Variants in SLC9C1 observed in about 807,000 individuals in gnomAD.
The protein encoded by SLC9C1 is sodium/hydrogen exchanger 10.
SLC9C1 carries 97 observed loss-of-function variants against 140.9 expected under a neutral mutation model. That is an observed-to-expected ratio of 0.69 (90% CI 0.58 to 0.82). The LOEUF (loss-of-function observed/expected upper bound fraction) is 0.82, where lower values mean the gene tolerates loss of function less well. SLC9C1 is among the 40% of genes least tolerant of loss of function. The probability of loss-of-function intolerance (pLI) is 0.00; values close to 1 mark genes in which losing one functional copy is unlikely to be tolerated. For synonymous variants in SLC9C1, 440 were observed against 442.6 expected (o/e 0.99, Z 0.07); for missense variants, 1,340 against 1,389.3 (o/e 0.96, Z 0.56).
chr3:112,197,942 G>A (rs559691502), intron 20 of SLC9C1, among the ~76,000 whole-genome samples: 15 of 152,162 alleles, frequency 9.9e-5, no homozygotes, highest in Admixed American at 3.3e-4. Context: ...ACCTGCTTTT[G>A]TAAACAGTAT....
intron 10 of SLC9C1, among the ~76,000 whole-genome samples, chr3:112,260,836 T>C (rs2079752324): frequency 6.6e-6 from 1 of 152,114 alleles, no homozygotes; most frequent in Non-Finnish European, 1.5e-5. Context: ...CAAGCAGCTC[T>C]TTTCTGCTGC....
chr3:112,264,264 A>T lies in SLC9C1; in HGVS notation c.958T>A (p.Leu320Met). 7.0e-7 allele frequency: 1 copy of T among 1,424,618 alleles called. No homozygotes were observed. Among genetic ancestry groups the T allele is most frequent in the Non-Finnish European group, 9.3e-7 (1 of 1,071,028 alleles). 88.2% of individuals were successfully genotyped at this position (1,424,618 alleles called of 1,614,324 possible). A position where few individuals can be genotyped will look rare whatever the true frequency, so the allele number is the denominator to read the frequency against. ...FGLLIPAHTY[L>M]YIEFVDIYYS... The stretch of plus-strand genomic sequence containing the variant: ...TATATATCAACAAATTCTATATACA[A>T]ATATGTATGTGCAGGAATTAGAAGT... The change falls in exon 9 of 29, where the codon TTG becomes ATG. Residue 320 changes from leucine (L) to methionine (M), a missense_variant. Physicochemically the swap from Leu to Met is conservative, Grantham distance 15 (BLOSUM62 2). Transcript: ENST00000305815.
At chr3:112,147,955 T>A (rs952733118) in intron 28 of SLC9C1, among the ~76,000 whole-genome samples, 3 of 152,234 alleles carry the variant, frequency 2.0e-5, no homozygotes, top group African/African-American at 7.2e-5. Flanking sequence ...AAGACTTTGC[T>A]CATTTTTAAA....
intron 23 of SLC9C1, among the ~76,000 whole-genome samples, chr3:112,172,807 T>A (rs182920784): frequency 6.6e-6 from 1 of 152,202 alleles, no homozygotes; most frequent in East Asian, 1.9e-4. Flanking sequence ...TTATATAAAT[T>A]TTCTGTTTTT....
intron 12 of SLC9C1, among the ~76,000 whole-genome samples, chr3:112,238,464 T>G (rs6766586): frequency 0.59 from 89,526 of 151,662 alleles, 26,914 homozygotes; most frequent in East Asian, 0.79. Context: ...ACTCGTCATA[T>G]TCATTCTCTG....
chr3:112,189,212 G>C (rs1174783079), intron 20 of SLC9C1, among the ~76,000 whole-genome samples: 2 of 152,136 alleles, frequency 1.3e-5, no homozygotes, highest in Non-Finnish European at 2.9e-5. Flanking sequence ...TTCTTTTGCT[G>C]TGCAGAAGCT....
intron 28 of SLC9C1, among the ~76,000 whole-genome samples, chr3:112,142,162 A>G (rs1402685561): frequency 6.6e-6 from 1 of 152,198 alleles, no homozygotes. Flanking sequence ...TTACTCTTCT[A>G]CCAGCAAAAT....
At chr3:112,271,459 T>A (rs907114884) in intron 6 of SLC9C1, among the ~76,000 whole-genome samples, 5 of 148,686 alleles carry the variant, frequency 3.4e-5, no homozygotes, top group African/African-American at 1.2e-4. Context: ...GATTTGTCCA[T>A]TAAAACTAAT....
intron 1 of SLC9C1, among the ~76,000 whole-genome samples, chr3:112,291,767 GTA>G (rs2080689741): frequency 6.6e-6 from 1 of 152,154 alleles, no homozygotes; most frequent in South Asian, 2.1e-4. Context: ...CCATTACGGG[GTA>G]TAAACACAAA....
chr3:112,192,655 C>T (rs1363493282), intron 20 of SLC9C1, among the ~76,000 whole-genome samples: 1 of 152,004 alleles, frequency 6.6e-6, no homozygotes, highest in East Asian at 1.9e-4. Context: ...TATTGAAGCT[C>T]TCAATTGTGT....
chr3:112,168,598 A>T (rs2077185527), intron 25 of SLC9C1, among the ~76,000 whole-genome samples: 1 of 152,202 alleles, frequency 6.6e-6, no homozygotes, highest in South Asian at 2.1e-4. Flanking sequence ...ACTGTACCAA[A>T]ATCTAACTGT....
At chr3:112,190,454 A>C (rs2077633967) in intron 20 of SLC9C1, among the ~76,000 whole-genome samples, 3 of 152,178 alleles carry the variant, frequency 2.0e-5, no homozygotes. Flanking sequence ...ATGGCCGTTG[A>C]ATTTTCTAAA....
chr3:112,202,111 A>G, intron 18 of SLC9C1, 139 bp downstream of exon 18: 2 of 934,274 alleles, frequency 2.1e-6, no homozygotes, highest in Non-Finnish European at 3.2e-6. Flanking sequence ...ATTTAAATGT[A>G]ACCTAGTTTA....
chr3:112,187,670 CAAGTAA>C (rs2077565267), intron 20 of SLC9C1, among the ~76,000 whole-genome samples: 1 of 152,088 alleles, frequency 6.6e-6, no homozygotes, highest in African/African-American at 2.4e-5. Flanking sequence ...AGAACACTTC[CAAGTAA>C]AAGTTTCAAG....
chr3:112,185,684 T>C, intron 20 of SLC9C1: 1 of 1,548,718 alleles, frequency 6.5e-7, no homozygotes, highest in Admixed American at 2.0e-5. Context: ...TCCGGAGGCG[T>C]GCACGCTCGT....
chr3:112,285,986 A>ACTGCTGGACTCAAGTGAT (rs2080496890), intron 2 of SLC9C1, among the ~76,000 whole-genome samples: 1 of 152,028 alleles, frequency 6.6e-6, no homozygotes, highest in African/African-American at 2.4e-5. Context: ...CTGGTCTTGA[A>ACTGCTGGACTCAAGTGAT]CTGCTGGACT....
At chr3:112,293,462 C>CA (rs2080749354) in intron 1 of SLC9C1, among the ~76,000 whole-genome samples, 2 of 152,190 alleles carry the variant, frequency 1.3e-5, no homozygotes, top group Admixed American at 1.3e-4. Flanking sequence ...AACATGGAAA[C>CA]AGTCTTCTTC....
At position 112,231,481 on chromosome 3, in the gene SLC9C1, G is replaced by T; in HGVS notation, c.1452C>A (p.Asn484Lys). 2 of 1,607,258 alleles carry T rather than the reference G, an allele frequency of 1.2e-6. No homozygotes were observed. Among genetic ancestry groups the T allele is most frequent in the South Asian group, 2.2e-5 (2 of 90,178 alleles). Residue 484 changes from asparagine to lysine, a missense_variant, in exon 13 of 29, where the codon AAC becomes AAA. Asn to Lys is a moderately conservative substitution (Grantham distance 94). Coordinates refer to ENST00000305815, the MANE Select transcript of SLC9C1 (RefSeq NM_183061.3). ...AITLENPYML[N>K]EEETTEHQKV... The stretch of plus-strand genomic sequence containing the variant: ...TCTGATGTTCTGTTGTTTCTTCTTC[G>T]TTCAACTAAATAAAACATAAATAAA...
intron 28 of SLC9C1, among the ~76,000 whole-genome samples, chr3:112,149,132 T>C (rs776249365): frequency 2.0e-5 from 3 of 151,494 alleles, no homozygotes; most frequent in Non-Finnish European, 2.9e-5. Flanking sequence ...GCAGAGAAGG[T>C]CCCCCTGTAC....
Sources: gnomAD v4.1 joint callset for allele counts (sites outside exome capture counted in the v4.1 genomes callset) on GRCh38, gnomAD v4.1.1 for gene constraint, MANE v1.5 for transcripts, NCBI Gene and HGNC (gene_info 2026-07-23, HGNC 2026-07-21) for gene names.